Variants in TMEM130 observed in about 807,000 individuals in gnomAD.
The protein encoded by TMEM130 is transmembrane protein 130.
In TMEM130, 37 loss-of-function variants were observed where a neutral mutation model predicts 42.9. That is an observed-to-expected ratio of 0.86 (90% CI 0.66 to 1.13). The LOEUF (loss-of-function observed/expected upper bound fraction) is 1.13, where lower values mean the gene tolerates loss of function less well. Ranked by LOEUF, TMEM130 falls within the 50% of genes most tolerant of loss-of-function variation. The pLI, the probability that TMEM130 is intolerant of heterozygous loss-of-function variation, is 0.00. For missense variants in TMEM130, 545 were observed against 562.6 expected (o/e 0.97, Z 0.32); for synonymous variants, 259 against 237.7 (o/e 1.09, Z -0.82).
rs183952720 is a variant in TMEM130, at chr7:98,869,389, G to A, written c.85+388C>T. 2.8e-5 allele frequency: 33 copies of A among 1,197,136 alleles called. No individual in the cohort carries two copies. The African/African-American group carries it at 4.1e-4, about 15-fold the overall frequency. The allele number at this position is 1,197,136 out of a possible 1,614,324, so 74.2% of individuals were successfully genotyped here. On this transcript the variant is annotated intron_variant, in intron 1 of 7. Coordinates refer to ENST00000339375, the MANE Select transcript of TMEM130 (RefSeq NM_152913.3). The surrounding 1 kb of genome is among the most constrained non-coding windows in gnomAD (Gnocchi z 4.7). ...CCCATCCCGTGCTCCCTGGGGGACT[G>A]GGGAATTGTGGCGCGATGACGGACC...
chr7:98,863,074 G>A (rs1794822478), intron 2 of TMEM130, 21 bp downstream of exon 2: 6 of 1,596,614 alleles, frequency 3.8e-6, no homozygotes, highest in Non-Finnish European at 5.1e-6. Flanking sequence ...AGGCAAACTA[G>A]CAAATGGGAG....
chr7:98,863,360 G>A lies in TMEM130; in HGVS notation c.126C>T (p.Thr42=), dbSNP rs1794832758. 1 of 1,605,766 alleles carries A rather than the reference G, an allele frequency of 6.2e-7. No individual in the cohort carries two copies. The highest frequency in any genetic ancestry group is 8.5e-7 in the Non-Finnish European group (1 of 1,178,258). The change falls in exon 2 of 8, where the codon ACC becomes ACT. Residue 42 remains threonine (T), a synonymous_variant. Coordinates refer to ENST00000339375, the MANE Select transcript of TMEM130 (RefSeq NM_152913.3). Reference sequence around the variant, plus strand: ...CCGAGATGGTCACCACCGCTCCCGTGGTGGCAGGGCTATCGGTGGTGAGAT... The same window carrying A: ...CCGAGATGGTCACCACCGCTCCCGTAGTGGCAGGGCTATCGGTGGTGAGAT... ...ELNLTTDSPA[T]TGAVVTISAS...
In TMEM130 at chr7:98,850,672, C is replaced by T. The variant is rs1794479468; in HGVS notation, c.1006+749G>A. Reference sequence around the variant, plus strand: ...CAATCAGTCCACCCGCCTCAGCCTCCCAGAGTCCTGGGAGCCACCATGCCT... The same window carrying T: ...CAATCAGTCCACCCGCCTCAGCCTCTCAGAGTCCTGGGAGCCACCATGCCT... On this transcript the variant is annotated intron_variant, in intron 6 of 7. Coordinates refer to ENST00000339375, the MANE Select transcript of TMEM130 (RefSeq NM_152913.3). Among the ~76,000 whole-genome samples the T allele has an allele frequency of 2.0e-5, 3 of 152,042 alleles. No homozygotes were observed. In the South Asian group the frequency reaches 6.2e-4, roughly 32 times the overall value.
chr7:98,848,658 T>G lies in TMEM130; in HGVS notation c.1044A>C (p.Thr348=). 2 of 1,614,064 alleles carry G rather than the reference T, an allele frequency of 1.2e-6. No individual in the cohort carries two copies. Among genetic ancestry groups the G allele is most frequent in the Non-Finnish European group, 1.7e-6 (2 of 1,179,976 alleles). The part of the protein sequence containing the change: ...QPAVFAFPCA[T]LITVMLAFIM... ...TGAAGGCCAACATCACAGTGATAAG[T>G]GTAGCACATGGGAAAGCAAAGACAG... Residue 348 remains threonine, a synonymous_variant, in exon 7 of 8, where the codon ACA becomes ACC. Coordinates refer to ENST00000339375, the MANE Select transcript of TMEM130 (RefSeq NM_152913.3).
At chr7:98,867,274 G>A (rs1050021156) in intron 1 of TMEM130, among the ~76,000 whole-genome samples, 9 of 152,040 alleles carry the variant, frequency 5.9e-5, no homozygotes, top group African/African-American at 1.9e-4. Flanking sequence ...TGATATTGAG[G>A]GACCTGAAGC....
intron 5 of TMEM130, 74 bp from the exon 6 acceptor site, chr7:98,851,697 GC>G: frequency 7.3e-7 from 1 of 1,377,480 alleles, no homozygotes; most frequent in Non-Finnish European, 9.7e-7. Context: ...TCCAAGACAG[GC>G]CAGGTGGGCA....
intron 1 of TMEM130, chr7:98,865,924 T>TC: frequency 1.2e-5 from 2 of 171,942 alleles, no homozygotes; most frequent in South Asian, 1.3e-4. Flanking sequence ...GGGCACAAGG[T>TC]CCCCCCACAA....
chr7:98,855,721 C>T (rs1460714654), intron 4 of TMEM130, among the ~76,000 whole-genome samples: 3 of 151,870 alleles, frequency 2.0e-5, no homozygotes, highest in Non-Finnish European at 2.9e-5. Flanking sequence ...CCGATGGGGC[C>T]GGGGAACAGG....
rs548366121 is a variant in TMEM130, at chr7:98,869,479, T to A, written c.85+298A>T. 2.4e-6 allele frequency: 2 copies of A among 828,378 alleles called. No individual in the cohort carries two copies. The highest frequency in any genetic ancestry group is 2.9e-6 in the Non-Finnish European group (2 of 686,416). The allele number at this position is 828,378 out of a possible 1,614,324, so 51.3% of individuals were successfully genotyped here. On this transcript the variant is annotated intron_variant, in intron 1 of 7. Transcript: ENST00000339375. The surrounding 1 kb of genome is among the most constrained non-coding windows in gnomAD (Gnocchi z 4.7). ...TTAGCGGGTGCATGGTCCCCAGGCA[T>A]CGACGGATGCGCCGGCCACCCCCGC...
rs550734350 is a variant in TMEM130 at position 98,864,085 on chromosome 7, G to T, written c.86-685C>A. Among the ~76,000 whole-genome samples the T allele has an allele frequency of 1.2e-3, 188 of 152,094 alleles. 2 individuals carry two copies. The highest frequency in any genetic ancestry group is 4.4e-3 in the African/African-American group (183 of 41,506). On this transcript the variant is annotated intron_variant, in intron 1 of 7. Transcript: ENST00000339375. ...TTTTTTATTTTTTGTAGAGATGGGG[G>T]TCTATGTTGCCCAGGCTGCCCAAAT...
intron 6 of TMEM130, among the ~76,000 whole-genome samples, chr7:98,850,831 G>A (rs921265949): frequency 2.7e-4 from 41 of 152,340 alleles, no homozygotes; most frequent in African/African-American, 9.4e-4. Flanking sequence ...GGGTGATGGT[G>A]ATGAGGGAGG....
In TMEM130 at chr7:98,847,997, G is replaced by C; in HGVS notation, c.*59C>G. The stretch of plus-strand genomic sequence containing the variant: ...CCTGGTCAGTGGTGCACACCACCCT[G>C]CTGGAAACTCCAAGTCAGCAGTCAG... On this transcript the variant is annotated 3_prime_UTR_variant, in exon 8 of 8. Coordinates refer to ENST00000339375, the MANE Select transcript of TMEM130 (RefSeq NM_152913.3). The C allele has an allele frequency of 6.5e-7, 1 of 1,537,880 alleles. No individual in the cohort carries two copies. The highest frequency in any genetic ancestry group is 8.9e-7 in the Non-Finnish European group (1 of 1,126,654).
Position 98,856,056 on chromosome 7 carries a change from G to T in TMEM130, c.679C>A (p.Gln227Lys), listed in dbSNP as rs782775654. 1.9e-6 allele frequency: 3 copies of T among 1,613,654 alleles called. No homozygotes were observed. The highest frequency in any genetic ancestry group is 1.1e-5 in the South Asian group (1 of 91,080). ...VEPDATRAVK[Q>K]KTGDFSASLK... Reference sequence around the variant, plus strand: ...GAGGCGGAGAAGTCCCCGGTCTTCTGCTTCACAGCCCTCGTGGCATCCGGC... The same window carrying T: ...GAGGCGGAGAAGTCCCCGGTCTTCTTCTTCACAGCCCTCGTGGCATCCGGC... The change falls in exon 4 of 8, where the codon CAG becomes AAG. Residue 227 changes from glutamine (Q) to lysine (K), a missense_variant. By Grantham distance (53) the Gln-to-Lys change is moderately conservative. Transcript: ENST00000339375.
chr7:98,869,062 G>C lies in TMEM130; in HGVS notation c.85+715C>G, dbSNP rs144773719. ...CTTCTTAGCTGCCCACGTCCCATCT[G>C]TCCCTCGAATAGTCTTAAATCTGGG... On this transcript the variant is annotated intron_variant, in intron 1 of 7. Transcript: ENST00000339375. The surrounding 1 kb of genome is among the most constrained non-coding windows in gnomAD (Gnocchi z 4.7). The C allele has an allele frequency of 7.2e-3, 4,731 of 655,240 alleles. 38 individuals are homozygous for C. Among genetic ancestry groups the C allele is most frequent in the Middle Eastern group, 0.062 (191 of 3,090 alleles). The allele number at this position is 655,240 out of a possible 1,614,324, so 40.6% of individuals were successfully genotyped here. A position where few individuals can be genotyped will look rare whatever the true frequency, so the allele number is the denominator to read the frequency against.
intron 6 of TMEM130, among the ~76,000 whole-genome samples, chr7:98,849,221 G>A (rs955558954): frequency 7.2e-5 from 11 of 152,190 alleles, no homozygotes; most frequent in African/African-American, 2.7e-4. Context: ...ATGGTAGAAA[G>A]AGTCCAGTGT....
intron 4 of TMEM130, among the ~76,000 whole-genome samples, 181 bp from the exon 5 acceptor site, chr7:98,855,505 A>G (rs1276326141): frequency 6.6e-6 from 1 of 152,176 alleles, no homozygotes; most frequent in East Asian, 1.9e-4. Context: ...CAGGTGCTGA[A>G]GCCTGCTCAG....
In TMEM130 at chr7:98,851,572, C is replaced by T; in HGVS notation, c.855G>A (p.Glu285=). The T allele has an allele frequency of 6.2e-7, 1 of 1,613,972 alleles. No homozygotes were observed. Among genetic ancestry groups the T allele is most frequent in the South Asian group, 1.1e-5 (1 of 91,066 alleles). The change falls in exon 6 of 8, where the codon GAG becomes GAA. Residue 285 remains glutamate (E), a synonymous_variant. Transcript: ENST00000339375. ...WRLKPECLPL[E]EGECHPVSVA... ...CGGACACAGGGTGGCACTCCCCTTC[C>T]TCCAGCGGGAGGCACTCAGGCTTGA...
In TMEM130 at chr7:98,869,371, C is replaced by T; in HGVS notation, c.85+406G>A. On this transcript the variant is annotated intron_variant, in intron 1 of 7. Coordinates refer to ENST00000339375, the MANE Select transcript of TMEM130 (RefSeq NM_152913.3). The surrounding 1 kb of genome is among the most constrained non-coding windows in gnomAD (Gnocchi z 4.7). Reference sequence around the variant, plus strand: ...TTTAAGGCAAAAACGTTGCCCATCCCGTGCTCCCTGGGGGACTGGGGAATT... The same window carrying T: ...TTTAAGGCAAAAACGTTGCCCATCCTGTGCTCCCTGGGGGACTGGGGAATT... 1 of 1,206,690 alleles carries T rather than the reference C, an allele frequency of 8.3e-7. No homozygotes were observed. Among genetic ancestry groups the T allele is most frequent in the Non-Finnish European group, 1.0e-6 (1 of 954,450 alleles). The allele number at this position is 1,206,690 out of a possible 1,614,324, so 74.7% of individuals were successfully genotyped here. A position where few individuals can be genotyped will look rare whatever the true frequency, so the allele number is the denominator to read the frequency against.
intron 1 of TMEM130, among the ~76,000 whole-genome samples, chr7:98,865,373 C>T (rs576942015): frequency 3.3e-5 from 5 of 152,230 alleles, no homozygotes; most frequent in Non-Finnish European, 5.9e-5. Context: ...TTTGGGAGGC[C>T]GAGGCGGGCG....
Sources: allele counts gnomAD v4.1 joint callset (sites outside exome capture counted in the v4.1 genomes callset), GRCh38; gene constraint gnomAD v4.1.1; non-coding constraint Gnocchi (gnomAD v3.1); transcripts MANE v1.5; gene names NCBI Gene and HGNC (gene_info 2026-07-23, HGNC 2026-07-21).